Variants in PFKFB3 observed in about 807,000 individuals in gnomAD.
PFKFB3 encodes the protein 6-phosphofructo-2-kinase/fructose-2,6-bisphosphatase 3.
In PFKFB3, 33 loss-of-function variants were observed where a neutral mutation model predicts 68.0. That is an observed-to-expected ratio of 0.49 (90% CI 0.37 to 0.65). The LOEUF is 0.65. Ranked by LOEUF, PFKFB3 falls within the 30% of genes least tolerant of loss-of-function variation. The probability of loss-of-function intolerance (pLI) is 0.00; values close to 1 mark genes in which losing one functional copy is unlikely to be tolerated. For synonymous variants in PFKFB3, 315 were observed against 288.2 expected (o/e 1.09, Z -0.94); for missense variants, 586 against 712.2 (o/e 0.82, Z 2.02).
chr10:6,248,500 G>A (rs1316331630), intron 14 of PFKFB3, among the ~76,000 whole-genome samples: 1 of 151,784 alleles, frequency 6.6e-6, no homozygotes, highest in Non-Finnish European at 1.5e-5. Flanking sequence ...GTGGTGGCAC[G>A]TGTCTATAAT....
chr10:6,147,725 A>G (rs1841436745), intron 1 of PFKFB3, among the ~76,000 whole-genome samples: 3 of 152,142 alleles, frequency 2.0e-5, no homozygotes, highest in Non-Finnish European at 1.5e-5. Context: ...CCTCCCTCTG[A>G]TCTCATGGCT....
downstream of PFKFB3, among the ~76,000 whole-genome samples, chr10:6,240,457 G>A (rs1564230628): frequency 2.0e-5 from 3 of 152,014 alleles, no homozygotes; most frequent in Admixed American, 6.6e-5. Context: ...TAGAGATGGG[G>A]TTTCACTGTG....
intron 4 of PFKFB3, 78 bp from the exon 5 acceptor site, chr10:6,216,628 G>A (rs1844606631): frequency 1.0e-6 from 1 of 981,328 alleles, no homozygotes; most frequent in African/African-American, 1.6e-5. Flanking sequence ...TGATGGGTCT[G>A]GCATCTTTGC....
chr10:6,223,750 G>A (rs1173923786), intron 11 of PFKFB3, among the ~76,000 whole-genome samples: 1 of 152,172 alleles, frequency 6.6e-6, no homozygotes, highest in African/African-American at 2.4e-5. Context: ...CTGAGTAGCT[G>A]GGATTATACG....
chr10:6,177,404 C>CTTTCTTTCTTTCTT (rs1564599668), intron 1 of PFKFB3, among the ~76,000 whole-genome samples: 1 of 135,786 alleles, frequency 7.4e-6, no homozygotes, highest in African/African-American at 2.7e-5. Flanking sequence ...TTCTTTCTTT[C>CTTTCTTTCTTTCTT]TTTCTTCTTT....
chr10:6,290,581 C>T, the PFKFB3 span, among the ~76,000 whole-genome samples: 1 of 151,604 alleles, frequency 6.6e-6, no homozygotes, highest in Non-Finnish European at 1.5e-5. Context: ...TCACTACAAC[C>T]TCCACCTCCT....
chr10:6,182,997 C>T (rs1842762768), intron 1 of PFKFB3, among the ~76,000 whole-genome samples: 2 of 152,158 alleles, frequency 1.3e-5, no homozygotes, highest in South Asian at 4.1e-4. Flanking sequence ...CAGCACGGTC[C>T]CTGGCTCCAG....
the PFKFB3 span, among the ~76,000 whole-genome samples, chr10:6,282,275 C>T: frequency 6.6e-6 from 1 of 152,150 alleles, no homozygotes; most frequent in South Asian, 2.1e-4. Context: ...AGATCCCTGG[C>T]TCCTCCTCTT....
the PFKFB3 span, among the ~76,000 whole-genome samples, chr10:6,325,885 C>A: frequency 6.6e-6 from 1 of 152,198 alleles, no homozygotes; most frequent in East Asian, 1.9e-4. Context: ...AGCAATGTGT[C>A]TGTATAGTTC....
upstream of PFKFB3, chr10:6,202,905 A>G: frequency 8.7e-7 from 1 of 1,153,108 alleles, no homozygotes; most frequent in Non-Finnish European, 1.1e-6. Context: ...CGGACTCTTT[A>G]AAAGCCGGCG....
At chr10:6,151,186 T>C (rs577729131) in intron 1 of PFKFB3, among the ~76,000 whole-genome samples, 74 of 151,954 alleles carry the variant, frequency 4.9e-4, no homozygotes, top group African/African-American at 1.7e-3. Flanking sequence ...TGTGTATGAG[T>C]CTTGGTGGTA....
In PFKFB3 at chr10:6,206,158, C is replaced by G. The variant is rs1034361887; in HGVS notation, c.76+2822C>G. On this transcript the variant is annotated intron_variant, in intron 1 of 14. Coordinates refer to ENST00000379775, the MANE Select transcript of PFKFB3 (RefSeq NM_004566.4). ...ATTAGGGAGTGGTGATGACTCTCAA[C>G]GAGCATGCTGCCTTCAAGCATCTGT... is the stretch of plus-strand genomic sequence containing the variant. Among the ~76,000 whole-genome samples, 41 of 146,146 alleles carry G rather than the reference C, an allele frequency of 2.8e-4. 1 individual carries two copies. Among genetic ancestry groups the G allele is most frequent in the Admixed American group, 2.6e-3 (38 of 14,434 alleles).
chr10:6,176,337 G>A (rs1007025050), intron 1 of PFKFB3, among the ~76,000 whole-genome samples: 1 of 152,024 alleles, frequency 6.6e-6, no homozygotes, highest in Non-Finnish European at 1.5e-5. Flanking sequence ...ATGGGTGGGG[G>A]TTGCATAGGC....
chr10:6,179,288 G>A (rs1028863240), intron 1 of PFKFB3, among the ~76,000 whole-genome samples: 7 of 152,242 alleles, frequency 4.6e-5, no homozygotes, highest in Admixed American at 3.3e-4. Flanking sequence ...CTCTGGGGAA[G>A]AGCAGTGGAT....
Position 6,224,200 on chromosome 10 carries a change from G to T in PFKFB3, c.1328G>T (p.Arg443Leu). The change falls in exon 13 of 15, where the codon CGG (arginine) becomes CTG (leucine). Residue 443 changes from arginine (R) to leucine (L), a missense_variant. Arg to Leu is a moderately radical substitution (Grantham distance 102, BLOSUM62 -2). Transcript: ENST00000379775. ...YLNVESVCTH[R>L]ERSEDAKKGP... ...AACGTGGAGTCCGTCTGCACACACC[G>T]GGAGAGGTCAGAGGTGAGTGGAGGC... 6.2e-7 allele frequency: 1 copy of T among 1,614,106 alleles called. No homozygotes were observed. Among genetic ancestry groups the T allele is most frequent in the East Asian group, 2.2e-5 (1 of 44,876 alleles).
Position 6,219,677 on chromosome 10 carries a change from C to A in PFKFB3, c.607C>A (p.Pro203Thr). 1 of 1,613,846 alleles carries A rather than the reference C, an allele frequency of 6.2e-7. No individual in the cohort carries two copies. The highest frequency in any genetic ancestry group is 8.5e-7 in the Non-Finnish European group (1 of 1,179,838). Residue 203 changes from proline to threonine, a missense_variant, in exon 7 of 15, where the codon CCC becomes ACC. Transcript: ENST00000379775. ...CYEASYQPLD[P>T]DKCDRDLSLI... is the part of the protein sequence containing the mutation. ...TGAAGCCAGCTACCAGCCCCTCGAC[C>A]CCGACAAATGCGACAGGTGATTCCC...
chr10:6,246,485 G>A (rs954433839), intron 14 of PFKFB3, among the ~76,000 whole-genome samples: 2 of 151,472 alleles, frequency 1.3e-5, no homozygotes, highest in African/African-American at 2.4e-5. Context: ...GACTGCAGGC[G>A]CCTGCCACCA....
the PFKFB3 span, among the ~76,000 whole-genome samples, chr10:6,323,748 C>T: frequency 0.062 from 9,492 of 152,204 alleles, 391 homozygotes; most frequent in Middle Eastern, 0.21. Context: ...ATCAAAAAAC[C>T]AGAAAAGAGC....
At chr10:6,277,486 G>T in the PFKFB3 span, among the ~76,000 whole-genome samples, 2 of 152,164 alleles carry the variant, frequency 1.3e-5, no homozygotes, top group African/African-American at 4.8e-5. Context: ...CTCCCGAAGT[G>T]CTGGGATTAC....
Sources: allele counts gnomAD v4.1 joint callset (sites outside exome capture counted in the v4.1 genomes callset), GRCh38; gene constraint gnomAD v4.1.1; transcripts MANE v1.5; gene names NCBI Gene and HGNC (gene_info 2026-07-23, HGNC 2026-07-21).